The following GABRG2 variants were observed in gnomAD, a reference collection of about 807,000 sequenced individuals.
GABRG2 encodes gamma-aminobutyric acid type A receptor subunit gamma2, also known as gamma-aminobutyric acid receptor subunit gamma-2.
A neutral mutation model predicts 56.4 loss-of-function variants in GABRG2; 16 were observed. The ratio of observed to expected loss-of-function variants is 0.28; its 90% CI spans 0.19 to 0.43. GABRG2 has a LOEUF of 0.43. GABRG2 is among the 20% of genes least tolerant of loss of function. The pLI, the probability that GABRG2 is intolerant of heterozygous loss-of-function variation, is 1.00. For synonymous variants in GABRG2, 208 were observed against 205.5 expected, an observed-to-expected ratio of 1.01 and a Z score of -0.10; for missense variants, 327 against 582.7, an observed-to-expected ratio of 0.56 and a Z score of 4.52.
intron 1 of GABRG2, among the ~76,000 whole-genome samples, chr5:162,088,142 T>C (rs889270547): frequency 6.6e-6 from 1 of 152,088 alleles, no homozygotes; most frequent in African/African-American, 2.4e-5. Context: ...GAAGGACCTA[T>C]ATGAAGGAGC....
At chr5:162,074,864 G>T (rs1758964795) in intron 1 of GABRG2, among the ~76,000 whole-genome samples, 1 of 152,060 alleles carries the variant, frequency 6.6e-6, no homozygotes, top group Admixed American at 6.6e-5. Context: ...ATGCTAAGAG[G>T]TTGTAAAAGT....
chr5:162,090,986 A>C (rs982703217), intron 1 of GABRG2, among the ~76,000 whole-genome samples: 3 of 152,144 alleles, frequency 2.0e-5, no homozygotes, highest in Non-Finnish European at 4.4e-5. Flanking sequence ...AGAGAAAGAA[A>C]CAGCGTAGCT....
intron 8 of GABRG2, chr5:162,151,175 A>G (rs1292679515): frequency 6.5e-6 from 1 of 154,246 alleles, no homozygotes; most frequent in African/African-American, 2.4e-5. Context: ...ATTCAGGGTC[A>G]TGGAAATGGC....
Position 162,151,753 on chromosome 5 carries a change from G to A in GABRG2, c.1152G>A (p.Lys384=). The change falls in exon 9 of 10, where the codon AAG becomes AAA. Residue 384 remains lysine, a splice_region_variant and synonymous_variant. Coordinates refer to ENST00000639213, the MANE Select transcript of GABRG2 (RefSeq NM_198904.4). ...KNPLLRMFSF[K]APTIDIRPRS... ...AGCTTCTTCGGATGTTTTCCTTCAA[G>A]GTATAATGTTTTTGGAATGGAAATT... The A allele has an allele frequency of 6.2e-7, 1 of 1,608,914 alleles. No homozygotes were observed. The highest frequency in any genetic ancestry group is 1.1e-5 in the South Asian group (1 of 90,494).
At chr5:162,070,169 T>A (rs1322356535) in intron 1 of GABRG2, among the ~76,000 whole-genome samples, 1 of 152,130 alleles carries the variant, frequency 6.6e-6, no homozygotes, top group East Asian at 1.9e-4. Flanking sequence ...AATTTTCAAT[T>A]TGTACCAGAC....
Position 162,074,101 on chromosome 5 carries a change from TAGAGA to T in GABRG2, c.107+5997_107+6001del, listed in dbSNP as rs1271062665. Among the ~76,000 whole-genome samples the T allele has an allele frequency of 1.1e-4, 16 of 152,080 alleles. No individual in the cohort carries two copies. In the East Asian group the frequency reaches 2.9e-3, roughly 28 times the overall value. ...TTTCCCATTCATTTGTCCCCCATAC[TAGAGA>T]ATAAATTTCCTTTAAAAAAGGAAAT... On this transcript the variant is annotated intron_variant, in intron 1 of 9. Transcript: ENST00000639213.
At chr5:162,152,734 A>G in intron 9 of GABRG2, 1 of 531,634 alleles carries the variant, frequency 1.9e-6, no homozygotes, top group Non-Finnish European at 3.4e-6. Context: ...TTCCACTCAC[A>G]TGCAGCACCA....
chr5:162,129,364 G>A (rs1332516692), intron 6 of GABRG2: 3 of 151,812 alleles, frequency 2.0e-5, no homozygotes, highest in African/African-American at 7.3e-5. Flanking sequence ...ACATCACTAA[G>A]GGTATCTTTC....
At position 162,097,608 on chromosome 5, in the gene GABRG2, A is replaced by G. The variant is rs543257292; in HGVS notation, c.328-30A>G. 34 of 1,485,646 alleles carry G rather than the reference A, an allele frequency of 2.3e-5. No homozygotes were observed. In the East Asian group the frequency reaches 6.3e-4, roughly 28 times the overall value. The allele number at this position is 1,485,646 out of a possible 1,614,324, so 92.0% of individuals were successfully genotyped here. On this transcript the variant is annotated intron_variant, in intron 3 of 9. Transcript: ENST00000639213. The stretch of plus-strand genomic sequence containing the variant: ...TAAAAAGATAATCTTACTGTGTACA[A>G]ATTTTCTGTTTATCATTTTATTAAA...
At chr5:162,067,677 G>A (rs373691169), upstream of GABRG2, 3 of 597,678 alleles carry the variant, frequency 5.0e-6, no homozygotes, top group Admixed American at 3.0e-5. Context: ...ACGAGTGTGC[G>A]TGTCTTTCCC....
At chr5:162,121,188 T>A (rs1433196783) in intron 6 of GABRG2, among the ~76,000 whole-genome samples, 1 of 152,116 alleles carries the variant, frequency 6.6e-6, no homozygotes, top group Non-Finnish European at 1.5e-5. Flanking sequence ...TTCTGCTGAG[T>A]TTAATATTCA....
chr5:162,153,202 A>T lies in GABRG2; in HGVS notation c.1262A>T (p.Asp421Val). The T allele has an allele frequency of 6.2e-7, 1 of 1,614,068 alleles. No individual in the cohort carries two copies. The highest frequency in any genetic ancestry group is 8.5e-7 in the Non-Finnish European group (1 of 1,179,970). ...EYGYECLDGK[D>V]CASFFCCFED... is the part of the protein sequence containing the mutation. Reference sequence around the variant, plus strand: ...GGCTATGAGTGTCTGGACGGCAAGGACTGTGCCAGTTTTTTCTGCTGTTTT... The same window carrying T: ...GGCTATGAGTGTCTGGACGGCAAGGTCTGTGCCAGTTTTTTCTGCTGTTTT... Residue 421 changes from aspartate to valine, a missense_variant, in exon 10 of 10, where the codon GAC (aspartate) becomes GTC (valine). Around this residue, in one of 4 missense-constraint regions of GABRG2, gnomAD observed 108 missense variants for 144.2 expected, o/e 0.75. Coordinates refer to ENST00000639213, the MANE Select transcript of GABRG2 (RefSeq NM_198904.4).
intron 1 of GABRG2, among the ~76,000 whole-genome samples, chr5:162,070,205 G>A (rs1758561725): frequency 6.6e-6 from 1 of 151,986 alleles, no homozygotes; most frequent in African/African-American, 2.4e-5. Context: ...TTTTAAAAGA[G>A]CTCTATAAAT....
In GABRG2 at chr5:162,142,192, T is replaced by C. The variant is rs115126975; in HGVS notation, c.798T>C (p.Phe266=). The C allele has an allele frequency of 1.1e-4, 174 of 1,614,112 alleles. 2 individuals are homozygous for C. The African/African-American group carries it at 1.9e-3, about 17-fold the overall frequency. The change falls in exon 7 of 10, where the codon TTT becomes TTC. Residue 266 remains phenylalanine, a synonymous_variant. Transcript: ENST00000639213. ...SGDYVVMSVY[F]DLSRRMGYFT... is the part of the protein sequence containing the mutation. ...ATTATGTGGTCATGTCTGTCTACTTTGATCTGAGCAGAAGAATGGGATACT... is the reference window on the plus strand; with the variant it reads ...ATTATGTGGTCATGTCTGTCTACTTCGATCTGAGCAGAAGAATGGGATACT...
At chr5:162,088,560 G>A (rs561780159) in intron 1 of GABRG2, among the ~76,000 whole-genome samples, 47 of 152,140 alleles carry the variant, frequency 3.1e-4, no homozygotes, top group Admixed American at 1.0e-3. Flanking sequence ...TTAACCTTGT[G>A]CTAAAGGCAT....
At chr5:162,140,647 C>T (rs986924434) in intron 6 of GABRG2, among the ~76,000 whole-genome samples, 5 of 152,116 alleles carry the variant, frequency 3.3e-5, no homozygotes, top group African/African-American at 1.2e-4. Context: ...ATGTATTTTA[C>T]AGCAAAATAT....
intron 1 of GABRG2, among the ~76,000 whole-genome samples, chr5:162,075,034 C>G (rs1758984152): frequency 6.6e-6 from 1 of 152,038 alleles, no homozygotes; most frequent in South Asian, 2.1e-4. Flanking sequence ...AACAAATAAC[C>G]CTCTTCCACA....
intron 6 of GABRG2, among the ~76,000 whole-genome samples, chr5:162,104,709 C>G (rs1761674444): frequency 6.6e-6 from 1 of 152,032 alleles, no homozygotes; most frequent in Non-Finnish European, 1.5e-5. Flanking sequence ...GTAGCTCTTA[C>G]TAATATTAAT....
rs183512537 is a variant in GABRG2, at chr5:162,117,840, T to C, written c.769+13814T>C. 5.1e-3 allele frequency among the ~76,000 whole-genome samples: 777 copies of C among 152,244 alleles called. 10 individuals are homozygous for C. The highest frequency in any genetic ancestry group is 0.018 in the African/African-American group (740 of 41,534). ...GGTCCTAAAAATCTGCCACTGTTAA[T>C]ATATGCACAGATAAGTAGTGTTGGT... is the stretch of plus-strand genomic sequence containing the variant. On this transcript the variant is annotated intron_variant, in intron 6 of 9. Coordinates refer to ENST00000639213, the MANE Select transcript of GABRG2 (RefSeq NM_198904.4).
Sources: gnomAD v4.1 joint callset for allele counts (sites outside exome capture counted in the v4.1 genomes callset) on GRCh38, gnomAD v4.1.1 for gene constraint, gnomAD v4.1.1 regional missense constraint, MANE v1.5 for transcripts, NCBI Gene and HGNC (gene_info 2026-07-23, HGNC 2026-07-21) for gene names.